The following UNC79 variants were observed in gnomAD, a reference collection of about 807,000 sequenced individuals.
UNC79 encodes protein unc-79 homolog.
UNC79 carries 37 observed loss-of-function variants against 283.1 expected under a neutral mutation model. The ratio of observed to expected loss-of-function variants is 0.13; its 90% CI spans 0.10 to 0.17. The LOEUF (loss-of-function observed/expected upper bound fraction) is 0.17, where lower values mean the gene tolerates loss of function less well. Ranked by LOEUF, UNC79 falls within the 10% of genes least tolerant of loss-of-function variation. UNC79 has a pLI of 1.00. For synonymous variants in UNC79, 1,107 were observed against 1,200.2 expected, an observed-to-expected ratio of 0.92 and a Z score of 1.61; for missense variants, 2,272 against 3,211.1, an observed-to-expected ratio of 0.71 and a Z score of 7.07.
intron 34 of UNC79, among the ~76,000 whole-genome samples, chr14:93,645,859 G>T (rs1195998199): frequency 1.3e-5 from 2 of 152,114 alleles, no homozygotes; most frequent in African/African-American, 4.8e-5. Context: ...GTTAGTGGTT[G>T]CTGGACCCCC....
At chr14:93,666,304 A>G (rs571310353) in intron 40 of UNC79, among the ~76,000 whole-genome samples, 31 of 152,294 alleles carry the variant, frequency 2.0e-4, no homozygotes, top group African/African-American at 7.5e-4. Context: ...AAGCACACGT[A>G]GGATGACAGA....
intron 1 of UNC79, among the ~76,000 whole-genome samples, chr14:93,350,176 A>T (rs2053954972): frequency 6.6e-6 from 1 of 152,240 alleles, no homozygotes; most frequent in South Asian, 2.1e-4. Context: ...ATTTAAGGTT[A>T]CTAAGAATAA....
intron 7 of UNC79, among the ~76,000 whole-genome samples, chr14:93,522,292 G>C (rs1388025062): frequency 1.3e-5 from 2 of 151,980 alleles, no homozygotes; most frequent in African/African-American, 4.8e-5. Flanking sequence ...GCAATCTGCA[G>C]ACATTCTTAT....
chr14:93,685,673 C>T (rs531346258), intron 42 of UNC79, among the ~76,000 whole-genome samples: 1 of 152,142 alleles, frequency 6.6e-6, no homozygotes, highest in African/African-American at 2.4e-5. Context: ...TGAAGAAAGC[C>T]GAGGAAGGCC....
At chr14:93,511,604 C>T (rs1002238222) in intron 7 of UNC79, among the ~76,000 whole-genome samples, 4 of 151,980 alleles carry the variant, frequency 2.6e-5, no homozygotes, top group Admixed American at 1.3e-4. Context: ...TGTGCCACCA[C>T]GCCCAACTAA....
rs769549721 is a variant in UNC79 at position 93,617,263 on chromosome 14, C to T, written c.4183C>T (p.Arg1395Trp). 6.8e-6 allele frequency: 11 copies of T among 1,614,136 alleles called. No homozygotes were observed. Among genetic ancestry groups the T allele is most frequent in the South Asian group, 1.1e-5 (1 of 91,062 alleles). Residue 1395 changes from arginine to tryptophan, a missense_variant, in exon 28 of 49, where the codon CGG becomes TGG. Physicochemically the swap from Arg to Trp is moderately radical, Grantham distance 101. This residue lies in a region of UNC79 where 128 missense variants were observed against 230.3 expected (regional missense o/e 0.56). Transcript: ENST00000555664. This position sits in a 1 kb window ranked among gnomAD's most constrained non-coding sequence, Gnocchi z 4.5. ...CCTCTGGTCCCTAAAGCCTCACATC[C>T]GGCAGATGTGGTTGAAGGCCTTGCT...
At chr14:93,703,261 G>T (rs1250049665) in intron 47 of UNC79, among the ~76,000 whole-genome samples, 1 of 152,180 alleles carries the variant, frequency 6.6e-6, no homozygotes, top group African/African-American at 2.4e-5. Flanking sequence ...TACAGTCTGG[G>T]TGGTTCAACC....
At chr14:93,666,653 C>T (rs899838579) in intron 40 of UNC79, among the ~76,000 whole-genome samples, 1 of 151,996 alleles carries the variant, frequency 6.6e-6, no homozygotes, top group African/African-American at 2.4e-5. Flanking sequence ...GATAAATTCA[C>T]AGTTATACAG....
chr14:93,619,062 C>T (rs1239747917), intron 29 of UNC79, among the ~76,000 whole-genome samples: 1 of 152,184 alleles, frequency 6.6e-6, no homozygotes, highest in African/African-American at 2.4e-5. Flanking sequence ...CAAGTGTCCA[C>T]TGACCCTTTA....
At chr14:93,462,873 A>C (rs2057010022) in intron 1 of UNC79, among the ~76,000 whole-genome samples, 1 of 152,158 alleles carries the variant, frequency 6.6e-6, no homozygotes. Flanking sequence ...TGAGATATTT[A>C]TAAGATTCCC....
chr14:93,688,398 AG>A lies in UNC79; in HGVS notation c.6910-261del, dbSNP rs1332923886. The stretch of plus-strand genomic sequence containing the variant: ...CATTCCAGACAAAGGGAATAGCAGC[AG>A]GGGGGAACACAGAGAGCCAACACAG... On this transcript the variant is annotated intron_variant, in intron 43 of 48. Coordinates refer to ENST00000555664, the Ensembl canonical transcript of UNC79. This position sits in a 1 kb window ranked among gnomAD's most constrained non-coding sequence, Gnocchi z 4.0. Among the ~76,000 whole-genome samples, 1 of 152,034 alleles carries A rather than the reference AG, an allele frequency of 6.6e-6. No homozygotes were observed. Among genetic ancestry groups the A allele is most frequent in the Non-Finnish European group, 1.5e-5 (1 of 68,016 alleles).
At chr14:93,378,334 GTT>G (rs1261739913) in intron 1 of UNC79, among the ~76,000 whole-genome samples, 1 of 152,184 alleles carries the variant, frequency 6.6e-6, no homozygotes, top group Non-Finnish European at 1.5e-5. Flanking sequence ...AGAATTTTCA[GTT>G]CAGGAAGACA....
At chr14:93,597,323 G>T in intron 23 of UNC79, 36 bp from the exon 24 acceptor site, 1 of 1,602,886 alleles carries the variant, frequency 6.2e-7, no homozygotes, top group Non-Finnish European at 8.5e-7. Flanking sequence ...AGGTGTGTGT[G>T]TATTTACGTA....
chr14:93,461,927 A>G (rs1202164799), intron 1 of UNC79, among the ~76,000 whole-genome samples: 1 of 151,606 alleles, frequency 6.6e-6, no homozygotes, highest in Admixed American at 6.6e-5. Context: ...AAAGCACTCT[A>G]TGAAGAGGGA....
chr14:93,452,168 G>A (rs1322191852), intron 1 of UNC79, among the ~76,000 whole-genome samples: 1 of 152,074 alleles, frequency 6.6e-6, no homozygotes, highest in Non-Finnish European at 1.5e-5. Flanking sequence ...TCTTTAGTCT[G>A]TATTTGAGTC....
chr14:93,578,274 T>A (rs914016742), intron 18 of UNC79, among the ~76,000 whole-genome samples: 1 of 152,196 alleles, frequency 6.6e-6, no homozygotes, highest in South Asian at 2.1e-4. Flanking sequence ...TGAGAATGGA[T>A]TGAATTTTAG....
intron 34 of UNC79, among the ~76,000 whole-genome samples, chr14:93,645,221 T>C (rs112357318): frequency 1.5e-4 from 23 of 152,366 alleles, no homozygotes; most frequent in African/African-American, 4.8e-4. Context: ...TTTCTTTTGT[T>C]TGTTTTAACA....
intron 1 of UNC79, among the ~76,000 whole-genome samples, chr14:93,410,370 T>C (rs1228231364): frequency 6.6e-6 from 1 of 152,160 alleles, no homozygotes; most frequent in Non-Finnish European, 1.5e-5. Flanking sequence ...CTCATTAAAC[T>C]TGAAAGGCAC....
intron 47 of UNC79, among the ~76,000 whole-genome samples, chr14:93,697,356 G>A (rs1434104728): frequency 6.6e-5 from 10 of 151,950 alleles, no homozygotes; most frequent in Non-Finnish European, 2.9e-5. Flanking sequence ...GGCTGGTCTC[G>A]AACTCCTGAC....
Sources: gnomAD v4.1 joint callset for allele counts (sites outside exome capture counted in the v4.1 genomes callset) on GRCh38, gnomAD v4.1.1 for gene constraint, gnomAD v4.1.1 regional missense constraint, Gnocchi (gnomAD v3.1) non-coding constraint, MANE v1.5 for transcripts, NCBI Gene and HGNC (gene_info 2026-07-23, HGNC 2026-07-21) for gene names.